AZIN2: variants seen among roughly 807,000 people sequenced by gnomAD.
AZIN2 encodes ODC antizyme inhibitor-2.
In AZIN2, 28 loss-of-function variants were observed where a neutral mutation model predicts 47.8. That is an observed-to-expected ratio of 0.59 (90% CI 0.43 to 0.80). The LOEUF (loss-of-function observed/expected upper bound fraction) is 0.80, where lower values mean the gene tolerates loss of function less well. AZIN2 is among the 30% of genes least tolerant of loss of function. The probability of loss-of-function intolerance (pLI) is 0.00; values close to 1 mark genes in which losing one functional copy is unlikely to be tolerated. For missense variants in AZIN2, 535 were observed against 582.5 expected (o/e 0.92, Z 0.84); for synonymous variants, 221 against 239.4 (o/e 0.92, Z 0.71).
At chr1:33,119,231 T>A (rs547874791) in intron 11 of AZIN2, 1 of 153,006 alleles carries the variant, frequency 6.5e-6, no homozygotes, top group South Asian at 2.1e-4. Flanking sequence ...TGGGCCAGTG[T>A]GTCCAGGAGT....
intron 11 of AZIN2, 185 bp downstream of exon 11, chr1:33,118,301 G>A: frequency 1.7e-6 from 1 of 592,922 alleles, no homozygotes. Flanking sequence ...CTTTCCTAGA[G>A]GAGCTCACAG....
chr1:33,109,705 G>A (rs1644200822), intron 10 of AZIN2, among the ~76,000 whole-genome samples: 1 of 151,794 alleles, frequency 6.6e-6, no homozygotes, highest in African/African-American at 2.4e-5. Context: ...TATGGATTGT[G>A]CCTTAGGTGT....
At chr1:33,083,589 C>T (rs1641530088) in intron 4 of AZIN2, 1 of 340,410 alleles carries the variant, frequency 2.9e-6, no homozygotes, top group South Asian at 2.8e-5. Context: ...AGCAGAGTTG[C>T]CTTATTGGTT....
the AZIN2 span, among the ~76,000 whole-genome samples, chr1:33,135,420 C>A: frequency 0.18 from 27,818 of 152,228 alleles, 3,031 homozygotes; most frequent in South Asian, 0.29. Context: ...GTGGCCCACC[C>A]CAGTAAGAGA....
intron 5 of AZIN2, among the ~76,000 whole-genome samples, chr1:33,084,988 T>C (rs1204243327): frequency 6.6e-6 from 1 of 152,198 alleles, no homozygotes; most frequent in Non-Finnish European, 1.5e-5. Context: ...GGGCTAGCAA[T>C]ACAGAATTGA....
chr1:33,141,649 C>T, the AZIN2 span, among the ~76,000 whole-genome samples: 4 of 152,284 alleles, frequency 2.6e-5, no homozygotes, highest in South Asian at 8.3e-4. Context: ...ACAGTGTCAA[C>T]CCTTCCCCCT....
At chr1:33,093,207 G>C in intron 6 of AZIN2, 75 bp from the exon 7 acceptor site, 3 of 1,591,736 alleles carry the variant, frequency 1.9e-6, no homozygotes, top group Non-Finnish European at 2.6e-6. Context: ...GTAGCTCACA[G>C]CCCTTGATTG....
the AZIN2 span, chr1:33,158,190 G>C: frequency 6.8e-7 from 1 of 1,469,678 alleles, no homozygotes. Context: ...GTTTAGGACA[G>C]GGGGCTGGGC....
At chr1:33,127,079 T>C (rs972900559), downstream of AZIN2, among the ~76,000 whole-genome samples, 5 of 152,216 alleles carry the variant, frequency 3.3e-5, no homozygotes, top group African/African-American at 7.2e-5. Context: ...TCATGGATCG[T>C]CCCTTTGTCC....
chr1:33,151,989 C>T, the AZIN2 span, among the ~76,000 whole-genome samples: 1 of 152,244 alleles, frequency 6.6e-6, no homozygotes, highest in South Asian at 2.1e-4. Context: ...TTCCTCTGGC[C>T]AGGCCTTTAA....
At chr1:33,125,733 CCCTTT>C (rs59708630), downstream of AZIN2, among the ~76,000 whole-genome samples, 1,445 of 152,002 alleles carry the variant, frequency 9.5e-3, 21 homozygotes, top group African/African-American at 0.027. Flanking sequence ...TCATCACACG[CCCTTT>C]CCTTTCCTTT....
chr1:33,149,157 T>C, the AZIN2 span, among the ~76,000 whole-genome samples: 4 of 152,194 alleles, frequency 2.6e-5, no homozygotes, highest in Non-Finnish European at 5.9e-5. Context: ...CTTCTTTTTC[T>C]TATTTATTTA....
chr1:33,120,256 G>A lies in AZIN2; in HGVS notation c.*74G>A. The stretch of plus-strand genomic sequence containing the variant: ...TCTGGGAGAGGTGGGGAAGATGGCA[G>A]GCAAGGGTACCCTTGGCCAGGACTC... On this transcript the variant is annotated 3_prime_UTR_variant, in exon 12 of 12. Coordinates refer to ENST00000294517, the MANE Select transcript of AZIN2 (RefSeq NM_052998.4). 6.5e-7 allele frequency: 1 copy of A among 1,535,702 alleles called. No individual in the cohort carries two copies. The highest frequency in any genetic ancestry group is 8.8e-7 in the Non-Finnish European group (1 of 1,138,202).
chr1:33,157,571 G>A, the AZIN2 span, among the ~76,000 whole-genome samples: 1 of 152,070 alleles, frequency 6.6e-6, no homozygotes, highest in African/African-American at 2.4e-5. Context: ...ACCCTAGGAT[G>A]TAAGATGCGT....
chr1:33,090,017 T>A (rs547130483), intron 5 of AZIN2, among the ~76,000 whole-genome samples: 1 of 152,286 alleles, frequency 6.6e-6, no homozygotes, highest in South Asian at 2.1e-4. Context: ...CTAATACCCA[T>A]CTGAATGGGT....
the AZIN2 span, among the ~76,000 whole-genome samples, chr1:33,145,158 C>CA: frequency 6.6e-6 from 1 of 152,116 alleles, no homozygotes; most frequent in Non-Finnish European, 1.5e-5. Flanking sequence ...TAAAGACTGA[C>CA]AGCCTTCCCT....
downstream of AZIN2, among the ~76,000 whole-genome samples, chr1:33,126,031 T>C (rs1644854178): frequency 1.3e-5 from 2 of 152,186 alleles, no homozygotes; most frequent in Admixed American, 1.3e-4. Context: ...AACATTTCCA[T>C]TCCTGCCCCA....
chr1:33,155,356 C>A, the AZIN2 span, among the ~76,000 whole-genome samples: 73 of 152,220 alleles, frequency 4.8e-4, no homozygotes, highest in African/African-American at 1.5e-3. Flanking sequence ...CAGGCATGAG[C>A]CACCATGCCC....
intron 10 of AZIN2, among the ~76,000 whole-genome samples, chr1:33,108,416 C>T (rs1644125935): frequency 6.7e-6 from 1 of 149,518 alleles, no homozygotes. Flanking sequence ...GATCTTGGCT[C>T]ACTGCAGTCT....
Sources: gnomAD v4.1 joint callset for allele counts (sites outside exome capture counted in the v4.1 genomes callset) on GRCh38, gnomAD v4.1.1 for gene constraint, MANE v1.5 for transcripts, NCBI Gene and HGNC (gene_info 2026-07-23, HGNC 2026-07-21) for gene names.